The following SYCP2 variants were observed in gnomAD, a reference collection of about 807,000 sequenced individuals.
SYCP2 encodes the protein synaptonemal complex protein 2, also known as synaptonemal complex lateral element protein.
A neutral mutation model predicts 211.3 loss-of-function variants in SYCP2; 55 were observed. The observed-to-expected ratio is 0.26, with a 90% CI of 0.21 to 0.33. The LOEUF (loss-of-function observed/expected upper bound fraction) is 0.33. Ranked by LOEUF, SYCP2 falls within the 10% of genes least tolerant of loss-of-function variation. The pLI is 1.00. For missense variants in SYCP2, 1,731 were observed against 1,752.0 expected, an observed-to-expected ratio of 0.99 and a Z score of 0.21; for synonymous variants, 570 against 555.2, an observed-to-expected ratio of 1.03 and a Z score of -0.37.
intron 31 of SYCP2, among the ~76,000 whole-genome samples, chr20:59,879,827 ATATATAT>A (rs2059635544): frequency 1.7e-4 from 1 of 5,728 alleles, no homozygotes; most frequent in Non-Finnish European, 3.2e-4. Flanking sequence ...AAATAAATAT[ATATATAT>A]ATATATATAT....
Position 59,863,634 on chromosome 20 carries a change from ACTC to A in SYCP2, c.*674_*676del, listed in dbSNP as rs758024231. ...TTCATTAAAAGCAAATCAAATGTAT[ACTC>A]ATTTTTATAAATTAATCTAGCAAGA... On this transcript the variant is annotated 3_prime_UTR_variant, in exon 45 of 45. Transcript: ENST00000357552. 1.1e-4 allele frequency: 17 copies of A among 152,002 alleles called. No individual in the cohort carries two copies. Among genetic ancestry groups the A allele is most frequent in the Non-Finnish European group, 1.9e-4 (13 of 67,916 alleles). The allele number at this position is 152,002 out of a possible 1,614,324, so 9.4% of individuals were successfully genotyped here. A position where few individuals can be genotyped will look rare whatever the true frequency, so the allele number is the denominator to read the frequency against.
chr20:59,902,321 C>T (rs770027726), intron 15 of SYCP2, among the ~76,000 whole-genome samples: 5 of 152,020 alleles, frequency 3.3e-5, no homozygotes, highest in Non-Finnish European at 5.9e-5. Flanking sequence ...CCTCAATGAA[C>T]TTACCAATCC....
At chr20:59,910,874 CA>C in intron 14 of SYCP2, among the ~76,000 whole-genome samples, 1 of 152,022 alleles carries the variant, frequency 6.6e-6, no homozygotes, top group South Asian at 2.1e-4. Flanking sequence ...TGGAAACTGT[CA>C]GTGCCCCTGA....
At chr20:59,865,991 A>G (rs1356756816) in intron 41 of SYCP2, 126 bp from the exon 42 acceptor site, 7 of 453,194 alleles carry the variant, frequency 1.5e-5, no homozygotes, top group Admixed American at 8.0e-5. Context: ...TATTATTACA[A>G]ATTTAAATAA....
chr20:59,890,399 G>T (rs536886617), intron 24 of SYCP2, among the ~76,000 whole-genome samples: 1 of 152,064 alleles, frequency 6.6e-6, no homozygotes, highest in Non-Finnish European at 1.5e-5. Flanking sequence ...GGCCTGTTGG[G>T]GGGTGGAGGC....
intron 32 of SYCP2, 110 bp downstream of exon 32, chr20:59,877,898 T>C (rs2059591771): frequency 2.3e-6 from 2 of 859,508 alleles, no homozygotes. Flanking sequence ...AAGAGGTACA[T>C]AAAACACATA....
chr20:59,910,450 G>A (rs1205608481), intron 14 of SYCP2, among the ~76,000 whole-genome samples: 4 of 130,264 alleles, frequency 3.1e-5, no homozygotes, highest in East Asian at 4.6e-4. Context: ...GCCCGATCTC[G>A]GCTCACTGCA....
Position 59,873,930 on chromosome 20 carries a change from A to C in SYCP2, c.3481T>G (p.Ser1161Ala), listed in dbSNP as rs768858476. ...AAGTTTTTCTCATTGTTTTTGGGTG[A>C]CTTTATTGTACCTCCAACTCCACTG... ...SNSGVGGTIK[S>A]PKNNEKNFLC... is the part of the protein sequence containing the mutation. The change falls in exon 35 of 45, where the codon TCA (serine) becomes GCA (alanine). Residue 1161 changes from serine (S) to alanine (A), a missense_variant. Around this residue, in one of 3 missense-constraint regions of SYCP2, gnomAD observed 1,387 missense variants for 1,351.3 expected, o/e 1.03. Transcript: ENST00000357552. 2 of 1,613,228 alleles carry C rather than the reference A, an allele frequency of 1.2e-6. No individual in the cohort carries two copies. Among genetic ancestry groups the C allele is most frequent in the Non-Finnish European group, 1.7e-6 (2 of 1,179,598 alleles).
chr20:59,889,572 T>C (rs1425782577), intron 24 of SYCP2, among the ~76,000 whole-genome samples: 3 of 152,060 alleles, frequency 2.0e-5, no homozygotes, highest in Admixed American at 1.3e-4. Context: ...CACAAAAATC[T>C]AGTAAACACA....
chr20:59,901,504 T>C (rs1461736098), intron 16 of SYCP2, among the ~76,000 whole-genome samples, 158 bp downstream of exon 16: 3 of 152,072 alleles, frequency 2.0e-5, no homozygotes, highest in South Asian at 2.1e-4. Flanking sequence ...TCAATAGATA[T>C]GACTAACAAG....
chr20:59,887,997 C>G (rs1284778612), intron 24 of SYCP2, among the ~76,000 whole-genome samples: 1 of 151,990 alleles, frequency 6.6e-6, no homozygotes, highest in Non-Finnish European at 1.5e-5. Flanking sequence ...CTGACTAGGC[C>G]TATATCTATT....
chr20:59,929,796 A>G (rs1465949279), intron 2 of SYCP2, among the ~76,000 whole-genome samples: 9 of 152,134 alleles, frequency 5.9e-5, no homozygotes, highest in Admixed American at 1.3e-4. Flanking sequence ...GCACAGGTAA[A>G]GAAAATAACC....
At chr20:59,901,882 T>C (rs889120442) in intron 15 of SYCP2, 72 bp from the exon 16 acceptor site, 6 of 1,193,424 alleles carry the variant, frequency 5.0e-6, no homozygotes, top group South Asian at 2.0e-5. Flanking sequence ...AAATAAGACA[T>C]GGATGTAGCA....
chr20:59,875,948 GC>G (rs2059545965), intron 33 of SYCP2, among the ~76,000 whole-genome samples: 1 of 152,050 alleles, frequency 6.6e-6, no homozygotes, highest in Non-Finnish European at 1.5e-5. Context: ...GTAGAAAAAA[GC>G]TTGGAATGGC....
intron 35 of SYCP2, among the ~76,000 whole-genome samples, chr20:59,871,001 A>G (rs1309195668): frequency 6.6e-6 from 1 of 151,880 alleles, no homozygotes; most frequent in Non-Finnish European, 1.5e-5. Context: ...TTCTTAAACA[A>G]CCCAGAAGAT....
intron 2 of SYCP2, among the ~76,000 whole-genome samples, chr20:59,925,043 A>G (rs571248713): frequency 6.6e-6 from 1 of 152,104 alleles, no homozygotes; most frequent in South Asian, 2.1e-4. Flanking sequence ...TTAAGTTTCT[A>G]GAACATAATA....
At chr20:59,919,742 T>TA (rs2060506152) in intron 5 of SYCP2, 145 bp from the exon 6 acceptor site, 2 of 503,968 alleles carry the variant, frequency 4.0e-6, no homozygotes, top group Non-Finnish European at 6.9e-6. Context: ...TTCATGTTTT[T>TA]AAAGATCTTC....
At chr20:59,922,014 T>A (rs1305749013) in intron 3 of SYCP2, among the ~76,000 whole-genome samples, 1 of 151,570 alleles carries the variant, frequency 6.6e-6, no homozygotes, top group Non-Finnish European at 1.5e-5. Context: ...ACTAAACAGG[T>A]TTGGCTGTGA....
At chr20:59,879,975 A>G (rs779944441) in intron 31 of SYCP2, among the ~76,000 whole-genome samples, 1 of 150,392 alleles carries the variant, frequency 6.6e-6, no homozygotes, top group Non-Finnish European at 1.5e-5. Context: ...TTGGTCTTAA[A>G]GGTGTTGGGT....
Sources: gnomAD v4.1 joint callset for allele counts (sites outside exome capture counted in the v4.1 genomes callset) on GRCh38, gnomAD v4.1.1 for gene constraint, gnomAD v4.1.1 regional missense constraint, MANE v1.5 for transcripts, NCBI Gene and HGNC (gene_info 2026-07-23, HGNC 2026-07-21) for gene names.